HOMER2: variants seen among roughly 807,000 people sequenced by gnomAD.
HOMER2 encodes homer protein homolog 2.
A neutral mutation model predicts 47.0 loss-of-function variants in HOMER2; 27 were observed. The ratio of observed to expected loss-of-function variants is 0.57; its 90% CI spans 0.42 to 0.79. The LOEUF (loss-of-function observed/expected upper bound fraction) is 0.79. HOMER2 is among the 30% of genes least tolerant of loss of function. The probability of loss-of-function intolerance (pLI) is 0.00; values close to 1 mark genes in which losing one functional copy is unlikely to be tolerated. For synonymous variants in HOMER2, 161 were observed against 163.8 expected, an observed-to-expected ratio of 0.98 and a Z score of 0.13; for missense variants, 443 against 435.0, an observed-to-expected ratio of 1.02 and a Z score of -0.16.
intron 4 of HOMER2, among the ~76,000 whole-genome samples, chr15:82,862,910 C>T (rs1465254823): frequency 6.6e-6 from 1 of 152,148 alleles, no homozygotes; most frequent in African/African-American, 2.4e-5. Context: ...ATTCTCTCCC[C>T]TCCTCTCTGA....
intron 1 of HOMER2, among the ~76,000 whole-genome samples, chr15:82,927,111 G>C (rs1205024962): frequency 6.6e-6 from 1 of 152,038 alleles, no homozygotes; most frequent in Non-Finnish European, 1.5e-5. Context: ...TGAATCCGTG[G>C]GGGACACAAA....
chr15:82,879,598 T>C lies in HOMER2; in HGVS notation c.163-4194A>G, dbSNP rs577275601. On this transcript the variant is annotated intron_variant, in intron 2 of 8. Coordinates refer to ENST00000450735, the MANE Select transcript of HOMER2 (RefSeq NM_004839.4). ...CATACCTTAATTTTAAAATATTTTA[T>C]TGCTAAAAAATGCTAAGGACCATCT... 5.3e-5 allele frequency among the ~76,000 whole-genome samples: 8 copies of C among 152,330 alleles called. No homozygotes were observed. In the South Asian group the frequency reaches 8.3e-4, roughly 16 times the overall value.
chr15:82,921,444 T>C (rs1331567898), intron 1 of HOMER2, among the ~76,000 whole-genome samples: 1 of 152,150 alleles, frequency 6.6e-6, no homozygotes, highest in African/African-American at 2.4e-5. Context: ...TTCCCCACGC[T>C]GATCTGAGCT....
At chr15:82,894,263 G>A (rs2052827366) in intron 1 of HOMER2, among the ~76,000 whole-genome samples, 1 of 152,148 alleles carries the variant, frequency 6.6e-6, no homozygotes, top group Admixed American at 6.5e-5. Context: ...GGATTTCACT[G>A]CATTTTGTAT....
chr15:82,880,930 G>A (rs1237623678), intron 2 of HOMER2, among the ~76,000 whole-genome samples: 1 of 152,196 alleles, frequency 6.6e-6, no homozygotes, highest in Admixed American at 6.5e-5. Context: ...AGCCAAGGGT[G>A]AGTGTGTGAA....
Position 82,949,274 on chromosome 15 carries a change from G to T in HOMER2, c.5+3257C>A, listed in dbSNP as rs147105869. On this transcript the variant is annotated intron_variant, in intron 1 of 8. Coordinates refer to ENST00000450735, the MANE Select transcript of HOMER2 (RefSeq NM_004839.4). ...CGATGGCATTTGAAGCCATGGGAGG[G>T]TGGGGAGGAGTTGCAGGTGGGACAG... 5.9e-5 allele frequency among the ~76,000 whole-genome samples: 9 copies of T among 152,326 alleles called. No individual in the cohort carries two copies. In the East Asian group the frequency reaches 1.2e-3, roughly 20 times the overall value.
chr15:82,941,745 C>T (rs2054272389), intron 1 of HOMER2, among the ~76,000 whole-genome samples: 1 of 152,090 alleles, frequency 6.6e-6, no homozygotes, highest in African/African-American at 2.4e-5. Flanking sequence ...CCTATACCTT[C>T]CCAAGCCTTT....
chr15:82,955,072 G>A (rs528969863), upstream of HOMER2, among the ~76,000 whole-genome samples: 8 of 152,106 alleles, frequency 5.3e-5, no homozygotes, highest in African/African-American at 1.7e-4. Flanking sequence ...CACCGTGCCC[G>A]GCCCATTCTG....
rs2054380101 is a variant in HOMER2, at chr15:82,946,321, G to T, written c.5+6210C>A. Among the ~76,000 whole-genome samples the T allele has an allele frequency of 2.0e-5, 3 of 152,300 alleles. No homozygotes were observed. In the South Asian group the frequency reaches 6.2e-4, roughly 32 times the overall value. On this transcript the variant is annotated intron_variant, in intron 1 of 8. Transcript: ENST00000450735. The stretch of plus-strand genomic sequence containing the variant: ...GAAACTTCAGGGCAGTTTCCAACGA[G>T]AATGATGGCATCTTCCCAAAGTAAA...
At chr15:82,844,161 T>C (rs1395433936), downstream of HOMER2, 2 of 152,192 alleles carry the variant, frequency 1.3e-5, no homozygotes, top group Non-Finnish European at 2.9e-5. Context: ...CACATTTCAT[T>C]GGCCAGAATT....
At chr15:82,970,540 CTCT>C (rs1311913406) in intron 1 of HOMER2, among the ~76,000 whole-genome samples, 1 of 152,212 alleles carries the variant, frequency 6.6e-6, no homozygotes, top group Non-Finnish European at 1.5e-5. Flanking sequence ...GACAGCACTG[CTCT>C]TCTTCTACTG....
At chr15:82,933,923 T>C (rs1038252997) in intron 1 of HOMER2, among the ~76,000 whole-genome samples, 1 of 151,994 alleles carries the variant, frequency 6.6e-6, no homozygotes. Context: ...ACACCACACT[T>C]CCCTGCCACC....
rs544056089 is a variant in HOMER2, at chr15:82,850,182, G to A, written c.844-279C>T. ...CAAGACCCAACAAAGCAGGCAGAAC[G>A]CAGAGTCCTGCCTGAGGGAGACCTC... is the stretch of plus-strand genomic sequence containing the variant. On this transcript the variant is annotated intron_variant, in intron 8 of 8. Coordinates refer to ENST00000450735, the MANE Select transcript of HOMER2 (RefSeq NM_004839.4). 3.9e-5 allele frequency among the ~76,000 whole-genome samples: 6 copies of A among 152,372 alleles called. No individual in the cohort carries two copies. In the East Asian group the frequency reaches 5.8e-4, roughly 15 times the overall value.
At chr15:82,847,641 T>C (rs2051271208), downstream of HOMER2, among the ~76,000 whole-genome samples, 2 of 152,214 alleles carry the variant, frequency 1.3e-5, no homozygotes, top group South Asian at 4.1e-4. Flanking sequence ...ATTCTATGCA[T>C]GTCACCTGAG....
At chr15:82,895,695 C>T (rs1294584251) in intron 1 of HOMER2, among the ~76,000 whole-genome samples, 7 of 152,102 alleles carry the variant, frequency 4.6e-5, no homozygotes, top group Non-Finnish European at 1.0e-4. Context: ...TGGGAAGGGA[C>T]CCAGACTTTC....
intron 1 of HOMER2, among the ~76,000 whole-genome samples, chr15:82,893,638 T>A (rs1033710552): frequency 2.6e-5 from 4 of 151,660 alleles, no homozygotes; most frequent in African/African-American, 9.7e-5. Context: ...TTTTTTTTTT[T>A]TTTTAAGAGA....
At chr15:82,976,015 T>A (rs546065458) in intron 1 of HOMER2, among the ~76,000 whole-genome samples, 332 of 152,218 alleles carry the variant, frequency 2.2e-3, no homozygotes, top group Admixed American at 4.8e-3. Context: ...ATTAAAAAAA[T>A]TTTAAATAAA....
At chr15:82,965,073 G>A (rs1056486616) in intron 1 of HOMER2, among the ~76,000 whole-genome samples, 1 of 152,100 alleles carries the variant, frequency 6.6e-6, no homozygotes, top group Non-Finnish European at 1.5e-5. Flanking sequence ...AGGCTGGAGT[G>A]CAGTGGTGCC....
chr15:82,986,109 T>G (rs188817649), upstream of HOMER2: 27 of 985,530 alleles, frequency 2.7e-5, 1 homozygote, highest in East Asian at 2.0e-3. Context: ...TGTGCCAGCA[T>G]TTGAAGAAGC....
Sources: allele counts gnomAD v4.1 joint callset (sites outside exome capture counted in the v4.1 genomes callset), GRCh38; gene constraint gnomAD v4.1.1; transcripts MANE v1.5; gene names NCBI Gene and HGNC (gene_info 2026-07-23, HGNC 2026-07-21).